Variants in CREB5 observed in about 807,000 individuals in gnomAD.
The protein encoded by CREB5 is cyclic AMP-responsive element-binding protein 5.
A neutral mutation model predicts 57.1 loss-of-function variants in CREB5; 19 were observed. The ratio of observed to expected loss-of-function variants is 0.33; its 90% CI spans 0.23 to 0.49. The LOEUF (loss-of-function observed/expected upper bound fraction) is 0.49. Among genes scored for constraint, CREB5 ranks in the 20% least tolerant of loss-of-function variants. The pLI, the probability that CREB5 is intolerant of heterozygous loss-of-function variation, is 0.99. For synonymous variants in CREB5, 238 were observed against 238.3 expected, an observed-to-expected ratio of 1.00 and a Z score of 0.01; for missense variants, 579 against 671.6, an observed-to-expected ratio of 0.86 and a Z score of 1.52.
chr7:28,343,728 C>T lies in CREB5; in HGVS notation c.-25+44287C>T, dbSNP rs191525994. ...GGTTTCATTTCTTTTGGATGTATAC[C>T]CAGTAGTGGGATTGCTGGATCCTAT... On this transcript the variant is annotated intron_variant, in intron 1 of 9. Transcript: ENST00000396299. Among the ~76,000 whole-genome samples the T allele has an allele frequency of 1.3e-3, 193 of 152,206 alleles. 2 individuals carry two copies. Among genetic ancestry groups the T allele is most frequent in the Admixed American group, 4.0e-3 (61 of 15,284 alleles).
chr7:28,374,946 A>G (rs1182380624), intron 1 of CREB5, among the ~76,000 whole-genome samples: 1 of 152,180 alleles, frequency 6.6e-6, no homozygotes, highest in Non-Finnish European at 1.5e-5. Flanking sequence ...ATTCTGTTAG[A>G]AAGTTCTTCC....
chr7:28,356,411 A>G (rs573786547), intron 1 of CREB5, among the ~76,000 whole-genome samples: 3 of 152,216 alleles, frequency 2.0e-5, no homozygotes, highest in Non-Finnish European at 2.9e-5. Context: ...TATTTTTACA[A>G]CGTCGTTTTA....
Position 28,425,923 on chromosome 7 carries a change from GTTC to G in CREB5, c.3+13011_3+13013del, listed in dbSNP as rs1247964040. ...CAAACACAAACTCATCCTTATACCA[GTTC>G]TTCTCCTGACACACCCATTTCAGTG... On this transcript the variant is annotated intron_variant, in intron 1 of 10. Transcript: ENST00000357727. Among the ~76,000 whole-genome samples the G allele has an allele frequency of 3.9e-5, 6 of 152,244 alleles. No homozygotes were observed. In the East Asian group the frequency reaches 7.7e-4, roughly 20 times the overall value.
chr7:28,512,569 C>G (rs1397018764), intron 4 of CREB5, among the ~76,000 whole-genome samples: 1 of 146,468 alleles, frequency 6.8e-6, no homozygotes, highest in African/African-American at 2.5e-5. Context: ...GTGAATTTTC[C>G]TTTTATGTTT....
intron 5 of CREB5, among the ~76,000 whole-genome samples, chr7:28,694,132 C>T (rs1407588597): frequency 1.3e-5 from 2 of 152,298 alleles, no homozygotes; most frequent in African/African-American, 4.8e-5. Flanking sequence ...TCTTTTGCAT[C>T]TGCCTCTTCT....
In CREB5 at chr7:28,825,883, A is replaced by G. The variant is rs1810036270; in HGVS notation, c.*6604A>G. 1 of 152,642 alleles carries G rather than the reference A, an allele frequency of 6.6e-6. No individual in the cohort carries two copies. The highest frequency in any genetic ancestry group is 2.4e-5 in the African/African-American group (1 of 41,446). 9.5% of individuals were successfully genotyped at this position (152,642 alleles called of 1,614,324 possible). A position where few individuals can be genotyped will look rare whatever the true frequency, so the allele number is the denominator to read the frequency against. ...GCAATTCCAATATAATAAAGCACTCAAATGCAAATAATATATGTCACCTTT... is the reference window on the plus strand; with the variant it reads ...GCAATTCCAATATAATAAAGCACTCGAATGCAAATAATATATGTCACCTTT... On this transcript the variant is annotated 3_prime_UTR_variant, in exon 11 of 11. Transcript: ENST00000357727.
At chr7:28,658,186 GT>G in intron 5 of CREB5, among the ~76,000 whole-genome samples, 1 of 152,262 alleles carries the variant, frequency 6.6e-6, no homozygotes, top group South Asian at 2.1e-4. Context: ...GAGAGAAAGA[GT>G]TTTTAACTGC....
chr7:28,593,166 A>C (rs143569970), intron 5 of CREB5, among the ~76,000 whole-genome samples: 1 of 152,358 alleles, frequency 6.6e-6, no homozygotes, highest in African/African-American at 2.4e-5. Flanking sequence ...ATATCACAGC[A>C]TGAGGTGTGT....
chr7:28,661,881 C>G (rs1799623912), intron 5 of CREB5, among the ~76,000 whole-genome samples: 1 of 152,196 alleles, frequency 6.6e-6, no homozygotes, highest in Non-Finnish European at 1.5e-5. Flanking sequence ...TTATAAATGA[C>G]AACTGCTTTT....
At chr7:28,590,048 G>A (rs956592316) in intron 5 of CREB5, among the ~76,000 whole-genome samples, 47 of 152,166 alleles carry the variant, frequency 3.1e-4, no homozygotes, top group Non-Finnish European at 6.3e-4. Context: ...GAGAGGATGT[G>A]GAGAAATAGG....
chr7:28,401,415 AT>A (rs927459692), intron 1 of CREB5, among the ~76,000 whole-genome samples: 1 of 151,256 alleles, frequency 6.6e-6, no homozygotes, highest in African/African-American at 2.4e-5. Flanking sequence ...AATTTTTTTA[AT>A]TTTTTATTTT....
chr7:28,770,627 A>G (rs574525419), intron 7 of CREB5, among the ~76,000 whole-genome samples: 68 of 152,334 alleles, frequency 4.5e-4, no homozygotes, highest in African/African-American at 1.5e-3. Context: ...CAGTTACATC[A>G]ATGATCATGC....
intron 5 of CREB5, among the ~76,000 whole-genome samples, chr7:28,691,698 G>A (rs1421906483): frequency 6.6e-6 from 1 of 152,112 alleles, no homozygotes; most frequent in African/African-American, 2.4e-5. Flanking sequence ...AGCTGCAAAA[G>A]GGCATATGGT....
At chr7:28,744,335 T>C (rs1804568880) in intron 7 of CREB5, among the ~76,000 whole-genome samples, 1 of 147,244 alleles carries the variant, frequency 6.8e-6, no homozygotes, top group Non-Finnish European at 1.5e-5. Flanking sequence ...TTACCTTTAG[T>C]ACCTCTTTTT....
At chr7:28,441,413 C>T (rs1483368394) in intron 1 of CREB5, among the ~76,000 whole-genome samples, 1 of 152,196 alleles carries the variant, frequency 6.6e-6, no homozygotes, top group Non-Finnish European at 1.5e-5. Flanking sequence ...TTTGCTACAT[C>T]TTTGATCTTG....
intron 1 of CREB5, among the ~76,000 whole-genome samples, chr7:28,348,309 T>A (rs566695946): frequency 9.2e-5 from 14 of 152,102 alleles, no homozygotes; most frequent in African/African-American, 3.4e-4. Context: ...AAACAAGTCA[T>A]GCCAATTCTC....
intron 1 of CREB5, among the ~76,000 whole-genome samples, chr7:28,372,359 T>G (rs1273004299): frequency 6.6e-6 from 1 of 152,168 alleles, no homozygotes; most frequent in South Asian, 2.1e-4. Flanking sequence ...AATGGAGACG[T>G]CCTGGTAATT....
chr7:28,492,891 G>A (rs1032786305), intron 2 of CREB5, among the ~76,000 whole-genome samples: 2 of 151,922 alleles, frequency 1.3e-5, no homozygotes, highest in African/African-American at 4.8e-5. Context: ...TGTATTTGGT[G>A]CAGTCATTAC....
At chr7:28,809,932 T>C (rs1196559968) in intron 9 of CREB5, among the ~76,000 whole-genome samples, 3 of 152,240 alleles carry the variant, frequency 2.0e-5, no homozygotes, top group African/African-American at 7.2e-5. Flanking sequence ...TGATTATCTC[T>C]ATTTTTGTTT....
Sources: gnomAD v4.1 joint callset for allele counts (sites outside exome capture counted in the v4.1 genomes callset) on GRCh38, gnomAD v4.1.1 for gene constraint, MANE v1.5 for transcripts, NCBI Gene and HGNC (gene_info 2026-07-23, HGNC 2026-07-21) for gene names.